BAALC: variants seen among roughly 807,000 people sequenced by gnomAD.
BAALC encodes BAALC binder of MAP3K1 and KLF4.
BAALC carries 9 observed loss-of-function variants against 15.5 expected under a neutral mutation model. That is an observed-to-expected ratio of 0.58 (90% CI 0.35 to 1.02). The LOEUF is 1.02. BAALC is among the 50% of genes least tolerant of loss of function. The pLI, the probability that BAALC is intolerant of heterozygous loss-of-function variation, is 0.02. For missense variants in BAALC, 201 were observed against 192.4 expected (o/e 1.04, Z -0.27); for synonymous variants, 80 against 74.6 (o/e 1.07, Z -0.37).
chr8:103,208,469 G>A (rs1020353603), intron 1 of BAALC: 20 of 152,196 alleles, frequency 1.3e-4, no homozygotes, highest in Non-Finnish European at 2.9e-4. Flanking sequence ...ACTGGCCATC[G>A]GCACCTCAGT....
chr8:103,148,834 G>A (rs934945378), intron 1 of BAALC, among the ~76,000 whole-genome samples: 15 of 152,124 alleles, frequency 9.9e-5, no homozygotes, highest in Non-Finnish European at 7.3e-5. Context: ...TAAGAGAGAC[G>A]GATTTCCACT....
chr8:103,204,875 T>C (rs1323549516), intron 1 of BAALC, among the ~76,000 whole-genome samples: 1 of 152,244 alleles, frequency 6.6e-6, no homozygotes. Flanking sequence ...ATTTTAAAGA[T>C]GAAACAAATT....
rs1414621577 is a variant in BAALC at position 103,205,119 on chromosome 8, C to T, written c.161-7800C>T. ...GTTGTTTCTGATGATTTTGGACCAA[C>T]TCTCTGTGACCACCTTCACCAAGGA... On this transcript the variant is annotated intron_variant, in intron 1 of 2. Coordinates refer to ENST00000309982, the MANE Select transcript of BAALC (RefSeq NM_024812.3). Among the ~76,000 whole-genome samples, 3 of 152,176 alleles carry T rather than the reference C, an allele frequency of 2.0e-5. No homozygotes were observed. The East Asian group carries it at 5.8e-4, about 29-fold the overall frequency.
At chr8:103,200,007 C>CA (rs1412380004) in intron 1 of BAALC, among the ~76,000 whole-genome samples, 1 of 152,166 alleles carries the variant, frequency 6.6e-6, no homozygotes, top group Non-Finnish European at 1.5e-5. Flanking sequence ...TTTATGGCTG[C>CA]ATAGTATTCT....
intron 1 of BAALC, chr8:103,191,485 A>G (rs925216657): frequency 3.3e-5 from 5 of 152,134 alleles, no homozygotes; most frequent in African/African-American, 9.7e-5. Flanking sequence ...GGAAACAAAG[A>G]AATGGAAACA....
chr8:103,178,301 G>A (rs1811648551), intron 1 of BAALC, among the ~76,000 whole-genome samples: 2 of 152,196 alleles, frequency 1.3e-5, no homozygotes, highest in Admixed American at 1.3e-4. Context: ...TGATGGAGCT[G>A]TTCTGTATCT....
intron 1 of BAALC, among the ~76,000 whole-genome samples, chr8:103,189,393 C>T (rs959544479): frequency 5.3e-5 from 8 of 152,140 alleles, no homozygotes; most frequent in African/African-American, 7.2e-5. Flanking sequence ...AGCATAAATA[C>T]GATCAAAAAC....
intron 2 of BAALC, among the ~76,000 whole-genome samples, chr8:103,217,919 CA>C (rs1812595394): frequency 1.3e-5 from 2 of 152,158 alleles, no homozygotes; most frequent in African/African-American, 4.8e-5. Context: ...TGCTCTGAAG[CA>C]GCTGCTAGTT....
intron 1 of BAALC, chr8:103,166,235 C>CA (rs1811343472): frequency 6.5e-6 from 1 of 152,804 alleles, no homozygotes; most frequent in Admixed American, 6.6e-5. Context: ...ACTTCTGTAA[C>CA]CTTTGTTCCT....
At chr8:103,160,181 G>A (rs1452828212) in intron 1 of BAALC, among the ~76,000 whole-genome samples, 1 of 152,126 alleles carries the variant, frequency 6.6e-6, no homozygotes, top group African/African-American at 2.4e-5. Context: ...AACAAAGCAA[G>A]GAAAGAATGA....
intron 1 of BAALC, among the ~76,000 whole-genome samples, chr8:103,176,629 G>A (rs17793351): frequency 0.097 from 14,823 of 152,084 alleles, 819 homozygotes; most frequent in Middle Eastern, 0.14. Flanking sequence ...TGCGCCAGGG[G>A]AATTGTCTCT....
chr8:103,198,448 C>T (rs1180430935), intron 1 of BAALC, among the ~76,000 whole-genome samples: 2 of 152,002 alleles, frequency 1.3e-5, no homozygotes, highest in Non-Finnish European at 2.9e-5. Flanking sequence ...ATAGATAATG[C>T]CCTTTTGATC....
chr8:103,214,444 T>C (rs1005976511), intron 2 of BAALC, among the ~76,000 whole-genome samples: 1 of 152,228 alleles, frequency 6.6e-6, no homozygotes, highest in Non-Finnish European at 1.5e-5. Context: ...TTAAGTTTGA[T>C]AGGCTTAATC....
chr8:103,213,157 C>G, intron 2 of BAALC, 72 bp downstream of exon 2: 2 of 1,507,478 alleles, frequency 1.3e-6, no homozygotes, highest in Non-Finnish European at 1.8e-6. Flanking sequence ...GCAGAGCCAC[C>G]CAGCCGCTAT....
At chr8:103,163,479 C>T (rs1334237526) in intron 1 of BAALC, among the ~76,000 whole-genome samples, 2 of 152,206 alleles carry the variant, frequency 1.3e-5, no homozygotes, top group African/African-American at 4.8e-5. Flanking sequence ...CACCTGCCCA[C>T]CCTATGGTGC....
At chr8:103,207,796 TA>T (rs893147763) in intron 1 of BAALC, among the ~76,000 whole-genome samples, 1 of 152,150 alleles carries the variant, frequency 6.6e-6, no homozygotes, top group African/African-American at 2.4e-5. Flanking sequence ...GGTGAGGAGG[TA>T]AAAAAATTAT....
chr8:103,162,342 A>C (rs1399879189), intron 1 of BAALC, among the ~76,000 whole-genome samples: 1 of 152,206 alleles, frequency 6.6e-6, no homozygotes, highest in Non-Finnish European at 1.5e-5. Context: ...AAAAGCAAAA[A>C]GTCTAAAAGC....
At chr8:103,196,427 T>TTG in intron 1 of BAALC, among the ~76,000 whole-genome samples, 1 of 152,194 alleles carries the variant, frequency 6.6e-6, no homozygotes, top group Admixed American at 6.5e-5. Context: ...ACTACGGGCA[T>TTG]GCACCACCAT....
rs75027824 is a variant in BAALC, at chr8:103,220,730, T to C, written c.328-7259T>C. On this transcript the variant is annotated intron_variant, in intron 2 of 2. Transcript: ENST00000309982. ...TATGCCTAGAAAATCCCTGCAACAT[T>C]CCATAAGAAAATATTAGCCATAATT... is the stretch of plus-strand genomic sequence containing the variant. Among the ~76,000 whole-genome samples, 28 of 152,308 alleles carry C rather than the reference T, an allele frequency of 1.8e-4. No homozygotes were observed. In the South Asian group the frequency reaches 5.2e-3, roughly 28 times the overall value.
Sources: gnomAD v4.1 joint callset for allele counts (sites outside exome capture counted in the v4.1 genomes callset) on GRCh38, gnomAD v4.1.1 for gene constraint, MANE v1.5 for transcripts, NCBI Gene and HGNC (gene_info 2026-07-23, HGNC 2026-07-21) for gene names.